GLRB: variants seen among roughly 807,000 people sequenced by gnomAD.
The protein encoded by GLRB is glycine receptor subunit beta.
In GLRB, 33 loss-of-function variants were observed where a neutral mutation model predicts 54.2. The ratio of observed to expected loss-of-function variants is 0.61; its 90% CI spans 0.46 to 0.81. The LOEUF is 0.81. GLRB is among the 40% of genes least tolerant of loss of function. The pLI is 0.00. For missense variants in GLRB, 572 were observed against 584.6 expected (o/e 0.98, Z 0.22); for synonymous variants, 209 against 208.2 (o/e 1.00, Z -0.03).
At chr4:157,163,159 T>C (rs918111064) in intron 9 of GLRB, among the ~76,000 whole-genome samples, 1 of 152,194 alleles carries the variant, frequency 6.6e-6, no homozygotes, top group Non-Finnish European at 1.5e-5. Flanking sequence ...AATTTCCTGG[T>C]GTGCCATTTG....
intron 2 of GLRB, among the ~76,000 whole-genome samples, chr4:157,087,245 T>A (rs1190924156): frequency 6.6e-6 from 1 of 152,140 alleles, no homozygotes; most frequent in African/African-American, 2.4e-5. Flanking sequence ...GTTTAAAATT[T>A]ACTTTGTACG....
chr4:157,159,181 T>TGCAC (rs1410129884), intron 9 of GLRB, among the ~76,000 whole-genome samples: 2 of 152,234 alleles, frequency 1.3e-5, no homozygotes, highest in African/African-American at 4.8e-5. Flanking sequence ...ACGTAGATTT[T>TGCAC]GTATCCTGAG....
intron 4 of GLRB, 136 bp from the exon 5 acceptor site, chr4:157,136,333 T>C: frequency 1.5e-6 from 1 of 661,114 alleles, no homozygotes. Flanking sequence ...ACACAGTTGT[T>C]GTGATCTTGG....
intron 2 of GLRB, among the ~76,000 whole-genome samples, chr4:157,081,184 A>T (rs1383179255): frequency 6.6e-6 from 1 of 152,210 alleles, no homozygotes; most frequent in Non-Finnish European, 1.5e-5. Context: ...ATTAATAAAA[A>T]TATTTTAGGT....
At chr4:157,128,315 T>A (rs1167516507) in intron 4 of GLRB, among the ~76,000 whole-genome samples, 1 of 151,900 alleles carries the variant, frequency 6.6e-6, no homozygotes, top group African/African-American at 2.4e-5. Flanking sequence ...TTTCTTCAAG[T>A]TACATTATTT....
Position 157,118,983 on chromosome 4 carries a change from G to A in GLRB, c.123-1573G>A, listed in dbSNP as rs74865695. Among the ~76,000 whole-genome samples the A allele has an allele frequency of 8.6e-5, 13 of 151,312 alleles. No homozygotes were observed. The East Asian group carries it at 2.5e-3, about 30-fold the overall frequency. On this transcript the variant is annotated intron_variant, in intron 2 of 9. Coordinates refer to ENST00000264428, the MANE Select transcript of GLRB (RefSeq NM_000824.5). Reference sequence around the variant, plus strand: ...TTATTATGCATAAGACTTTATGAGGGGTAAAATAAACCAAACTCAAACAAA... The same window carrying A: ...TTATTATGCATAAGACTTTATGAGGAGTAAAATAAACCAAACTCAAACAAA...
chr4:157,163,831 T>A (rs1450468294), intron 9 of GLRB, among the ~76,000 whole-genome samples: 3 of 149,356 alleles, frequency 2.0e-5, no homozygotes, highest in Non-Finnish European at 3.0e-5. Context: ...TCTGTGTGAG[T>A]GTGTGTGTGT....
Position 157,143,979 on chromosome 4 carries a change from T to A in GLRB, c.904+20T>A. On this transcript the variant is annotated intron_variant, in intron 8 of 9. Transcript: ENST00000264428. Reference sequence around the variant, plus strand: ...CCCTGGGTAAGGTGTTCCATGCTTTTTTGTCACATCAGGAACAGATTATAT... The same window carrying A: ...CCCTGGGTAAGGTGTTCCATGCTTTATTGTCACATCAGGAACAGATTATAT... The A allele has an allele frequency of 6.2e-7, 1 of 1,609,824 alleles. No individual in the cohort carries two copies. The highest frequency in any genetic ancestry group is 1.1e-5 in the South Asian group (1 of 90,956).
At chr4:157,143,777 T>C in intron 7 of GLRB, 30 bp from the exon 8 acceptor site, 3 of 1,603,554 alleles carry the variant, frequency 1.9e-6, no homozygotes, top group Non-Finnish European at 2.6e-6. Flanking sequence ...GGTGAAAACC[T>C]CATGCCTTGA....
intron 4 of GLRB, 136 bp downstream of exon 4, chr4:157,122,533 G>T: frequency 4.9e-6 from 2 of 412,044 alleles, no homozygotes; most frequent in South Asian, 1.2e-4. Context: ...CAAATTTCTA[G>T]ATTTTGTTAA....
At chr4:157,148,215 G>A (rs890944230) in intron 8 of GLRB, among the ~76,000 whole-genome samples, 1 of 152,110 alleles carries the variant, frequency 6.6e-6, no homozygotes, top group African/African-American at 2.4e-5. Context: ...GGCTGTAGTA[G>A]TAATGTTCCA....
At chr4:157,077,924 C>T in intron 1 of GLRB, 72 bp from the exon 2 acceptor site, 1 of 999,248 alleles carries the variant, frequency 1.0e-6, no homozygotes. Flanking sequence ...AATGCTTATA[C>T]TCTTTAAAGG....
chr4:157,160,383 T>G (rs1456266115), intron 9 of GLRB, among the ~76,000 whole-genome samples: 2 of 152,180 alleles, frequency 1.3e-5, no homozygotes, highest in African/African-American at 4.8e-5. Context: ...AGCTTTTGAA[T>G]GTTTTTGCTC....
intron 8 of GLRB, among the ~76,000 whole-genome samples, chr4:157,152,428 C>T (rs1737056496): frequency 6.6e-6 from 1 of 151,968 alleles, no homozygotes; most frequent in African/African-American, 2.4e-5. Flanking sequence ...ATAGTTTTAG[C>T]CATCTTTAAT....
chr4:157,136,281 A>G (rs1463653877), intron 4 of GLRB, 188 bp from the exon 5 acceptor site: 1 of 588,274 alleles, frequency 1.7e-6, no homozygotes, highest in Non-Finnish European at 3.0e-6. Flanking sequence ...AATTACATAG[A>G]GACAAGTGTC....
intron 2 of GLRB, among the ~76,000 whole-genome samples, chr4:157,116,601 A>G (rs943057998): frequency 7.2e-5 from 11 of 151,794 alleles, no homozygotes; most frequent in Admixed American, 6.6e-4. Context: ...AAGGGAAAAT[A>G]TGTTACATGC....
intron 6 of GLRB, 72 bp downstream of exon 6, chr4:157,136,958 CATCTT>C: frequency 1.1e-6 from 1 of 871,018 alleles, no homozygotes; most frequent in South Asian, 1.4e-5. Context: ...ATTCTACTGA[CATCTT>C]AGACAACAGT....
rs138309086 is a variant in GLRB, at chr4:157,099,725, T to C, written c.123-20831T>C. Among the ~76,000 whole-genome samples the C allele has an allele frequency of 5.3e-5, 8 of 152,302 alleles. No individual in the cohort carries two copies. In the East Asian group the frequency reaches 1.5e-3, roughly 29 times the overall value. ...TCCAAGAGTAAAATTTTTTGTATCA[T>C]AGGATATATGTTTGTTGAACTTTAG... On this transcript the variant is annotated intron_variant, in intron 2 of 9. Coordinates refer to ENST00000264428, the MANE Select transcript of GLRB (RefSeq NM_000824.5).
chr4:157,103,066 C>A (rs1226279867), intron 2 of GLRB, among the ~76,000 whole-genome samples: 1 of 151,714 alleles, frequency 6.6e-6, no homozygotes, highest in African/African-American at 2.4e-5. Context: ...CAGGAGAATC[C>A]CTTGAACCCG....
Sources: allele counts gnomAD v4.1 joint callset (sites outside exome capture counted in the v4.1 genomes callset), GRCh38; gene constraint gnomAD v4.1.1; transcripts MANE v1.5; gene names NCBI Gene and HGNC (gene_info 2026-07-23, HGNC 2026-07-21).